ARHGAP24: variants seen among roughly 807,000 people sequenced by gnomAD.
ARHGAP24 encodes rho GTPase-activating protein 24.
In ARHGAP24, 50 loss-of-function variants were observed where a neutral mutation model predicts 76.4. The observed-to-expected ratio is 0.65, with a 90% CI of 0.52 to 0.83. ARHGAP24 has a LOEUF of 0.83. Among genes scored for constraint, ARHGAP24 ranks in the 40% least tolerant of loss-of-function variants. The pLI, the probability that ARHGAP24 is intolerant of heterozygous loss-of-function variation, is 0.00. For synonymous variants in ARHGAP24, 345 were observed against 323.3 expected (o/e 1.07, Z -0.72); for missense variants, 930 against 914.2 (o/e 1.02, Z -0.22).
At chr4:85,765,049 G>A (rs746372044) in intron 3 of ARHGAP24, among the ~76,000 whole-genome samples, 8 of 152,012 alleles carry the variant, frequency 5.3e-5, no homozygotes, top group Non-Finnish European at 1.2e-4. Flanking sequence ...CAATAGAAGT[G>A]GAACATTTGT....
chr4:85,674,630 T>A (rs1722912733), intron 2 of ARHGAP24, among the ~76,000 whole-genome samples: 1 of 152,198 alleles, frequency 6.6e-6, no homozygotes, highest in African/African-American at 2.4e-5. Flanking sequence ...TCATTTTAAC[T>A]CCAAGTCCTA....
chr4:85,553,596 A>T (rs1240115897), intron 1 of ARHGAP24, among the ~76,000 whole-genome samples: 1 of 151,770 alleles, frequency 6.6e-6, no homozygotes, highest in East Asian at 1.9e-4. Flanking sequence ...GCATTTACAA[A>T]CCTTTAGCTA....
intron 2 of ARHGAP24, among the ~76,000 whole-genome samples, chr4:85,712,061 C>G (rs1724549885): frequency 6.6e-6 from 1 of 152,146 alleles, no homozygotes; most frequent in Non-Finnish European, 1.5e-5. Context: ...TTGCTTCAGA[C>G]ATGTGTCATT....
At chr4:85,818,908 C>T (rs1002706903) in intron 3 of ARHGAP24, among the ~76,000 whole-genome samples, 2 of 152,062 alleles carry the variant, frequency 1.3e-5, no homozygotes, top group East Asian at 1.9e-4. Flanking sequence ...TTTGTCTTTC[C>T]TTCTCTCCCA....
chr4:85,872,321 A>T (rs1732579900), intron 3 of ARHGAP24, among the ~76,000 whole-genome samples: 2 of 151,812 alleles, frequency 1.3e-5, no homozygotes, highest in African/African-American at 4.8e-5. Flanking sequence ...AATGGAGACA[A>T]AGTCTCACTC....
intron 1 of ARHGAP24, among the ~76,000 whole-genome samples, chr4:85,565,386 A>G (rs763410179): frequency 6.6e-6 from 1 of 152,106 alleles, no homozygotes; most frequent in Admixed American, 6.6e-5. Flanking sequence ...TTTTACCAAC[A>G]TTGCCAGTTT....
At chr4:85,772,301 G>A (rs569509056) in intron 3 of ARHGAP24, among the ~76,000 whole-genome samples, 5 of 152,274 alleles carry the variant, frequency 3.3e-5, no homozygotes, top group African/African-American at 1.2e-4. Context: ...ATTAACAGCA[G>A]TGCCTCCTCT....
chr4:85,548,824 A>C (rs914366676), intron 1 of ARHGAP24, among the ~76,000 whole-genome samples: 3 of 152,196 alleles, frequency 2.0e-5, no homozygotes, highest in African/African-American at 7.2e-5. Flanking sequence ...CTTTCCCGTC[A>C]GTATATACCC....
intron 3 of ARHGAP24, among the ~76,000 whole-genome samples, chr4:85,819,798 T>C (rs2110122225): frequency 6.6e-6 from 1 of 151,712 alleles, no homozygotes; most frequent in African/African-American, 2.4e-5. Flanking sequence ...TACGCACCTG[T>C]AATCCCAGTT....
At chr4:85,759,447 C>T (rs1255658086) in intron 3 of ARHGAP24, among the ~76,000 whole-genome samples, 1 of 151,994 alleles carries the variant, frequency 6.6e-6, no homozygotes, top group Non-Finnish European at 1.5e-5. Flanking sequence ...TCAATACCAC[C>T]TTGATTAGAG....
At chr4:85,792,257 A>G (rs1578233013) in intron 3 of ARHGAP24, among the ~76,000 whole-genome samples, 2 of 152,202 alleles carry the variant, frequency 1.3e-5, no homozygotes, top group African/African-American at 4.8e-5. Flanking sequence ...ACTATATTTC[A>G]AATAAAACAT....
intron 2 of ARHGAP24, among the ~76,000 whole-genome samples, chr4:85,664,507 T>A (rs1722533279): frequency 6.6e-6 from 1 of 150,856 alleles, no homozygotes; most frequent in Non-Finnish European, 1.5e-5. Flanking sequence ...TGTGTCTCTA[T>A]TTCCTTCAGT....
intron 5 of ARHGAP24, among the ~76,000 whole-genome samples, chr4:85,960,042 G>A (rs1195242811): frequency 5.9e-5 from 9 of 152,088 alleles, no homozygotes; most frequent in Non-Finnish European, 1.2e-4. Flanking sequence ...ATTTTCTGGT[G>A]TATCCAGTTA....
chr4:85,931,902 T>C (rs1736356002), intron 4 of ARHGAP24, among the ~76,000 whole-genome samples: 1 of 152,206 alleles, frequency 6.6e-6, no homozygotes, highest in Non-Finnish European at 1.5e-5. Context: ...AGGTGCTGAG[T>C]TGAATGACAT....
intron 3 of ARHGAP24, among the ~76,000 whole-genome samples, chr4:85,877,580 A>ACAC: frequency 6.6e-6 from 1 of 152,034 alleles, no homozygotes; most frequent in African/African-American, 2.4e-5. Flanking sequence ...AGCCATAATC[A>ACAC]CACTACTGCA....
At chr4:85,747,727 A>ACAAACAAG (rs1481676005) in intron 3 of ARHGAP24, among the ~76,000 whole-genome samples, 1 of 150,246 alleles carries the variant, frequency 6.7e-6, no homozygotes, top group Non-Finnish European at 1.5e-5. Context: ...AAACAAACAA[A>ACAAACAAG]CAAGCAAAAG....
chr4:85,840,974 A>G (rs1214913856), intron 3 of ARHGAP24, among the ~76,000 whole-genome samples: 1 of 152,214 alleles, frequency 6.6e-6, no homozygotes, highest in Non-Finnish European at 1.5e-5. Flanking sequence ...CAAACACCAT[A>G]TAAATGGAAA....
intron 1 of ARHGAP24, among the ~76,000 whole-genome samples, chr4:85,495,548 T>C (rs1177781163): frequency 6.6e-6 from 1 of 151,812 alleles, no homozygotes; most frequent in African/African-American, 2.4e-5. Context: ...AGACGGGTTT[T>C]CACCGTGTTA....
chr4:85,684,089 A>G (rs1317804677), intron 2 of ARHGAP24, among the ~76,000 whole-genome samples: 1 of 152,182 alleles, frequency 6.6e-6, no homozygotes, highest in Non-Finnish European at 1.5e-5. Context: ...TCAAGATTCT[A>G]CTTTCAATTA....
Sources: gnomAD v4.1 joint callset for allele counts (sites outside exome capture counted in the v4.1 genomes callset) on GRCh38, gnomAD v4.1.1 for gene constraint, MANE v1.5 for transcripts, NCBI Gene and HGNC (gene_info 2026-07-23, HGNC 2026-07-21) for gene names.